The following TRHDE variants were observed in gnomAD, a reference collection of about 807,000 sequenced individuals.
The protein encoded by TRHDE is thyrotropin releasing hormone degrading enzyme.
A neutral mutation model predicts 125.7 loss-of-function variants in TRHDE; 72 were observed. That is an observed-to-expected ratio of 0.57 (90% confidence interval 0.47 to 0.70). The LOEUF is 0.70. TRHDE is among the 30% of genes least tolerant of loss of function. The probability of loss-of-function intolerance (pLI) is 0.00; values close to 1 mark genes in which losing one functional copy is unlikely to be tolerated. For synonymous variants in TRHDE, 509 were observed against 509.1 expected (o/e 1.00, Z 0.00); for missense variants, 1,110 against 1,327.1 (o/e 0.84, Z 2.54).
Position 72,117,704 on chromosome 12 carries a change from T to C in TRHDE, n.279+11952T>C, listed in dbSNP as rs181193334. ...TTTAATAATATTTATTCTTGTAATCTGTGAACATGAACTATCATTTCATTT... is the reference window on the plus strand; with the variant it reads ...TTTAATAATATTTATTCTTGTAATCCGTGAACATGAACTATCATTTCATTT... On this transcript the variant is annotated intron_variant and non_coding_transcript_variant, in intron 2 of 4. Coordinates refer to the TRHDE transcript ENST00000548156. 1.4e-3 allele frequency among the ~76,000 whole-genome samples: 210 copies of C among 152,212 alleles called. 1 individual carries two copies. Among genetic ancestry groups the C allele is most frequent in the African/African-American group, 4.6e-3 (192 of 41,584 alleles).
intron 3 of TRHDE, among the ~76,000 whole-genome samples, chr12:72,443,912 T>A (rs935236725): frequency 6.6e-6 from 1 of 151,816 alleles, no homozygotes; most frequent in Admixed American, 6.6e-5. Flanking sequence ...GAGATAATTT[T>A]TCAATTAAAG....
At chr12:72,176,025 G>A (rs1876981109) in intron 2 of TRHDE, among the ~76,000 whole-genome samples, 1 of 152,158 alleles carries the variant, frequency 6.6e-6, no homozygotes, top group Non-Finnish European at 1.5e-5. Context: ...CAAGGCCATG[G>A]ACCACCTTGT....
At chr12:72,434,123 G>A (rs541390641) in intron 3 of TRHDE, among the ~76,000 whole-genome samples, 4 of 152,020 alleles carry the variant, frequency 2.6e-5, no homozygotes, top group Admixed American at 6.6e-5. Flanking sequence ...AGTGGCTCAC[G>A]CCTATAGTCT....
At chr12:72,644,083 A>G (rs1005575622) in intron 15 of TRHDE, among the ~76,000 whole-genome samples, 6 of 152,194 alleles carry the variant, frequency 3.9e-5, no homozygotes, top group African/African-American at 7.2e-5. Flanking sequence ...GACAAACACA[A>G]TGATTCAGCA....
chr12:72,191,324 G>C (rs1371510638), intron 2 of TRHDE, among the ~76,000 whole-genome samples: 2 of 152,158 alleles, frequency 1.3e-5, no homozygotes, highest in African/African-American at 2.4e-5. Flanking sequence ...ATCAGGGACA[G>C]CAGCTCTCAT....
chr12:72,417,632 C>T (rs1873786819), intron 3 of TRHDE, among the ~76,000 whole-genome samples: 1 of 151,904 alleles, frequency 6.6e-6, no homozygotes, highest in Non-Finnish European at 1.5e-5. Flanking sequence ...CACATTAGTG[C>T]TCTGTGACAG....
At chr12:72,393,677 C>T (rs556847805) in intron 3 of TRHDE, among the ~76,000 whole-genome samples, 3 of 152,174 alleles carry the variant, frequency 2.0e-5, no homozygotes, top group South Asian at 2.1e-4. Context: ...AAAGAAAATA[C>T]GCTGATCCTT....
Position 72,272,949 on chromosome 12 carries a change from C to A in TRHDE, c.306C>A (p.Leu102=). 1 of 1,573,252 alleles carries A rather than the reference C, an allele frequency of 6.4e-7. No homozygotes were observed. Among genetic ancestry groups the A allele is most frequent in the Non-Finnish European group, 8.6e-7 (1 of 1,167,106 alleles). ...TGGCATTGCTCGCGGTCACAATGCT[C>A]GCTGTGCTGCTCAGCCTGCGCTTCG... ...SLVALLAVTM[L]AVLLSLRFDE... is the part of the protein sequence containing the mutation. The change falls in exon 1 of 19, where the codon CTC becomes CTA. Residue 102 remains leucine (L), a synonymous_variant. Transcript: ENST00000261180. This position sits in a 1 kb window ranked among gnomAD's most constrained non-coding sequence, Gnocchi z 6.7.
At chr12:72,522,472 C>A (rs1361285469) in intron 6 of TRHDE, among the ~76,000 whole-genome samples, 2 of 152,138 alleles carry the variant, frequency 1.3e-5, no homozygotes, top group Admixed American at 6.5e-5. Flanking sequence ...GCTCTCCAAG[C>A]CCACAGAAGC....
At position 72,321,074 on chromosome 12, in the gene TRHDE, A is replaced by G. The variant is rs538322164; in HGVS notation, c.1188+34120A>G. Among the ~76,000 whole-genome samples, 15 of 152,344 alleles carry G rather than the reference A, an allele frequency of 9.8e-5. No homozygotes were observed. The East Asian group carries it at 2.9e-3, about 29-fold the overall frequency. On this transcript the variant is annotated intron_variant, in intron 2 of 18. Coordinates refer to ENST00000261180, the MANE Select transcript of TRHDE (RefSeq NM_013381.3). ...GGAATCATCAACTCGAATGACAATA[A>G]GAATGAGCAGGGTGAGAGAAAAATA...
chr12:72,140,267 A>G (rs1876083153), intron 2 of TRHDE: 1 of 152,230 alleles, frequency 6.6e-6, no homozygotes, highest in Admixed American at 6.5e-5. Context: ...CTTGGACCCC[A>G]CAACCCCTAT....
intron 15 of TRHDE, among the ~76,000 whole-genome samples, chr12:72,645,050 G>T (rs1874225540): frequency 6.6e-6 from 1 of 152,132 alleles, no homozygotes; most frequent in Non-Finnish European, 1.5e-5. Context: ...TGAATTTGGA[G>T]AATTGATTAA....
rs373469519 is a variant in TRHDE, at chr12:72,247,927, T to A, written n.280-130068T>A. Among the ~76,000 whole-genome samples, 79 of 152,290 alleles carry A rather than the reference T, an allele frequency of 5.2e-4. No individual in the cohort carries two copies. In the South Asian group the frequency reaches 0.015, roughly 29 times the overall value. On this transcript the variant is annotated intron_variant and non_coding_transcript_variant, in intron 2 of 4. Transcript: ENST00000548156. Reference sequence around the variant, plus strand: ...TATGAATGTATGTATCTATCTATTATCTATCATCTATCTTTTTATCATCTA... The same window carrying A: ...TATGAATGTATGTATCTATCTATTAACTATCATCTATCTTTTTATCATCTA...
At chr12:72,584,306 A>G (rs1382821113) in intron 12 of TRHDE, among the ~76,000 whole-genome samples, 1 of 152,106 alleles carries the variant, frequency 6.6e-6, no homozygotes, top group African/African-American at 2.4e-5. Flanking sequence ...TTATGTATTT[A>G]TCATATACAA....
chr12:72,640,280 G>A (rs1193892848), intron 15 of TRHDE, among the ~76,000 whole-genome samples: 1 of 152,202 alleles, frequency 6.6e-6, no homozygotes, highest in African/African-American at 2.4e-5. Context: ...GGTGCCGTCT[G>A]TCACCCCTTT....
intron 2 of TRHDE, among the ~76,000 whole-genome samples, chr12:72,311,798 A>T (rs760991207): frequency 4.6e-5 from 7 of 152,208 alleles, no homozygotes; most frequent in Non-Finnish European, 8.8e-5. Flanking sequence ...GAGGGGCAAT[A>T]TAAATTCTTC....
chr12:72,569,747 A>G (rs1410299568), intron 10 of TRHDE, among the ~76,000 whole-genome samples: 2 of 152,242 alleles, frequency 1.3e-5, no homozygotes, highest in Admixed American at 6.5e-5. Context: ...TACGCTGTAT[A>G]TGAAGCATTG....
intron 15 of TRHDE, among the ~76,000 whole-genome samples, chr12:72,630,959 T>G (rs963051424): frequency 6.7e-6 from 1 of 150,344 alleles, no homozygotes; most frequent in Non-Finnish European, 1.5e-5. Context: ...TTCCTTCATT[T>G]TTTTCTTTCT....
intron 2 of TRHDE, chr12:72,254,769 C>G (rs1474568992): frequency 6.6e-6 from 1 of 152,190 alleles, no homozygotes; most frequent in East Asian, 1.9e-4. Context: ...AACCCATCCC[C>G]TCTCACCCGT....
Sources: gnomAD v4.1 joint callset for allele counts (sites outside exome capture counted in the v4.1 genomes callset) on GRCh38, gnomAD v4.1.1 for gene constraint, Gnocchi (gnomAD v3.1) non-coding constraint, MANE v1.5 for transcripts, NCBI Gene and HGNC (gene_info 2026-07-23, HGNC 2026-07-21) for gene names.